ESRRG: variants seen among roughly 807,000 people sequenced by gnomAD.
ESRRG encodes estrogen-related receptor gamma.
Under a neutral mutation model 44.0 loss-of-function variants are expected in ESRRG, and 13 were observed. The ratio of observed to expected loss-of-function variants is 0.30; its 90% CI spans 0.19 to 0.47. The LOEUF is 0.47. ESRRG is among the 20% of genes least tolerant of loss of function. The pLI, the probability that ESRRG is intolerant of heterozygous loss-of-function variation, is 1.00. For synonymous variants in ESRRG, 215 were observed against 214.6 expected (o/e 1.00, Z -0.02); for missense variants, 395 against 580.6 (o/e 0.68, Z 3.29).
At chr1:216,743,442 T>C (rs887365573) in intron 2 of ESRRG, among the ~76,000 whole-genome samples, 1 of 152,210 alleles carries the variant, frequency 6.6e-6, no homozygotes, top group Admixed American at 6.5e-5. Flanking sequence ...GAAAGTCCCT[T>C]ATATTAAAAA....
At chr1:216,617,020 G>A (rs1361995936) in intron 3 of ESRRG, among the ~76,000 whole-genome samples, 1 of 152,094 alleles carries the variant, frequency 6.6e-6, no homozygotes, top group African/African-American at 2.4e-5. Context: ...TGAAACTACT[G>A]TACTGCATCT....
intron 1 of ESRRG, among the ~76,000 whole-genome samples, chr1:217,085,559 C>T (rs1467768454): frequency 5.3e-5 from 7 of 131,380 alleles, no homozygotes; most frequent in African/African-American, 2.0e-4. Context: ...GGCGCCATCT[C>T]GGCTGACTGC....
intron 3 of ESRRG, among the ~76,000 whole-genome samples, chr1:216,580,816 G>A (rs2062625763): frequency 6.6e-6 from 1 of 152,188 alleles, no homozygotes; most frequent in Non-Finnish European, 1.5e-5. Flanking sequence ...AGGGAAGACT[G>A]GAGCCAAATG....
At chr1:216,640,288 C>T (rs993861054) in intron 3 of ESRRG, among the ~76,000 whole-genome samples, 1 of 152,166 alleles carries the variant, frequency 6.6e-6, no homozygotes, top group Non-Finnish European at 1.5e-5. Context: ...ATTTGGCTAG[C>T]ACCGGGCACC....
chr1:216,771,118 C>G (rs189655542), intron 2 of ESRRG, among the ~76,000 whole-genome samples: 3 of 152,172 alleles, frequency 2.0e-5, no homozygotes, highest in East Asian at 1.9e-4. Context: ...AGGAGGCCAT[C>G]ATGCACTTCA....
At chr1:217,051,001 G>A (rs1038955479) in intron 1 of ESRRG, among the ~76,000 whole-genome samples, 2 of 152,020 alleles carry the variant, frequency 1.3e-5, no homozygotes, top group African/African-American at 4.8e-5. Context: ...ACTCCAAGGT[G>A]GAAAGAGGAA....
chr1:216,547,580 T>C (rs917378635), intron 5 of ESRRG, among the ~76,000 whole-genome samples: 4 of 152,008 alleles, frequency 2.6e-5, no homozygotes, highest in African/African-American at 9.7e-5. Context: ...GGTGCAAGCG[T>C]GTGTGTTAAT....
chr1:216,666,267 T>C (rs1156486325), intron 2 of ESRRG, among the ~76,000 whole-genome samples: 1 of 152,254 alleles, frequency 6.6e-6, no homozygotes, highest in Admixed American at 6.5e-5. Context: ...TTTTCTTTCC[T>C]ACATTTAGAG....
At chr1:216,910,075 A>G (rs1376883846) in intron 2 of ESRRG, among the ~76,000 whole-genome samples, 4 of 152,212 alleles carry the variant, frequency 2.6e-5, no homozygotes, top group Admixed American at 2.6e-4. Flanking sequence ...TAAATAGAAT[A>G]ATAATACTAA....
intron 6 of ESRRG, among the ~76,000 whole-genome samples, chr1:216,514,551 A>C (rs1361037862): frequency 1.3e-5 from 2 of 152,126 alleles, no homozygotes; most frequent in African/African-American, 2.4e-5. Context: ...TGGGCATGAA[A>C]TTCTCAATCA....
At chr1:216,902,217 G>A (rs572039787) in intron 2 of ESRRG, among the ~76,000 whole-genome samples, 16 of 152,286 alleles carry the variant, frequency 1.1e-4, no homozygotes, top group East Asian at 3.9e-4. Context: ...GGCTGGGTGC[G>A]GTGGCTCACG....
chr1:216,606,258 T>C (rs2059922819), intron 3 of ESRRG, among the ~76,000 whole-genome samples: 1 of 152,164 alleles, frequency 6.6e-6, no homozygotes, highest in African/African-American at 2.4e-5. Flanking sequence ...GGGTGACTGA[T>C]TGGAGCTGTG....
intron 2 of ESRRG, chr1:216,863,751 T>C (rs949639445): frequency 6.6e-6 from 1 of 152,204 alleles, no homozygotes; most frequent in Non-Finnish European, 1.5e-5. Flanking sequence ...TCCTACCTGC[T>C]CACTTTCATC....
intron 2 of ESRRG, among the ~76,000 whole-genome samples, chr1:216,892,755 C>T (rs1180548966): frequency 6.6e-6 from 1 of 152,134 alleles, no homozygotes; most frequent in Non-Finnish European, 1.5e-5. Flanking sequence ...CATACTTTAA[C>T]AGCACTCAGC....
intron 1 of ESRRG, among the ~76,000 whole-genome samples, chr1:217,004,722 A>G (rs1234252283): frequency 1.3e-5 from 2 of 152,192 alleles, no homozygotes. Context: ...TAACTATATC[A>G]ATCAATTAAT....
chr1:217,004,452 G>C (rs1280594516), intron 1 of ESRRG, among the ~76,000 whole-genome samples: 2 of 152,152 alleles, frequency 1.3e-5, no homozygotes. Flanking sequence ...TGTAAGACAT[G>C]CCCTTGCTTC....
chr1:217,037,650 C>G (rs2083141516), intron 1 of ESRRG, among the ~76,000 whole-genome samples: 1 of 152,080 alleles, frequency 6.6e-6, no homozygotes, highest in African/African-American at 2.4e-5. Flanking sequence ...ATTTCAAAAC[C>G]AATCACGCCA....
chr1:216,759,755 G>A (rs879285358), intron 2 of ESRRG, among the ~76,000 whole-genome samples: 1 of 151,914 alleles, frequency 6.6e-6, no homozygotes, highest in African/African-American at 2.4e-5. Context: ...TTTTTTTCTT[G>A]TTCTAATAAT....
At chr1:216,521,674 C>G (rs925964920) in intron 5 of ESRRG, among the ~76,000 whole-genome samples, 2 of 152,140 alleles carry the variant, frequency 1.3e-5, no homozygotes, top group African/African-American at 4.8e-5. Context: ...CTCCACACAT[C>G]TTTCTGCCGA....
Sources: allele counts gnomAD v4.1 joint callset (sites outside exome capture counted in the v4.1 genomes callset), GRCh38; gene constraint gnomAD v4.1.1; transcripts MANE v1.5; gene names NCBI Gene and HGNC (gene_info 2026-07-23, HGNC 2026-07-21).